The following SLCO1C1 variants were observed in gnomAD, a reference collection of about 807,000 sequenced individuals.
SLCO1C1 encodes solute carrier organic anion transporter family member 1C1, also known as OAT-RP-5.
SLCO1C1 carries 70 observed loss-of-function variants against 76.4 expected under a neutral mutation model. The ratio of observed to expected loss-of-function variants is 0.92; its 90% confidence interval spans 0.76 to 1.12. The LOEUF is 1.12. Ranked by LOEUF, SLCO1C1 falls within the 50% of genes most tolerant of loss-of-function variation. The pLI, the probability that SLCO1C1 is intolerant of heterozygous loss-of-function variation, is 0.00. For synonymous variants in SLCO1C1, 306 were observed against 286.1 expected (o/e 1.07, Z -0.70); for missense variants, 912 against 823.8 (o/e 1.11, Z -1.31).
At chr12:20,736,171 A>G (rs71436826) in intron 10 of SLCO1C1, among the ~76,000 whole-genome samples, 13,384 of 152,076 alleles carry the variant, frequency 0.088, 763 homozygotes, top group Non-Finnish European at 0.13. Context: ...GGATAAAAGC[A>G]GAAGGATTAG....
At chr12:20,742,423 A>C (rs1446862115) in intron 12 of SLCO1C1, among the ~76,000 whole-genome samples, 3 of 151,932 alleles carry the variant, frequency 2.0e-5, no homozygotes, top group Non-Finnish European at 4.4e-5. Flanking sequence ...CAGTAGTTAT[A>C]TACATCATTA....
intron 3 of SLCO1C1, among the ~76,000 whole-genome samples, chr12:20,705,144 TA>T (rs1245008774): frequency 6.6e-6 from 1 of 151,978 alleles, no homozygotes. Flanking sequence ...GAAACATGTT[TA>T]ATCACTTATC....
Position 20,723,250 on chromosome 12 carries a change from G to A in SLCO1C1, c.1182G>A (p.Val394=), listed in dbSNP as rs188644400. 6.2e-7 allele frequency: 1 copy of A among 1,613,636 alleles called. No homozygotes were observed. The highest frequency in any genetic ancestry group is 8.5e-7 in the Non-Finnish European group (1 of 1,179,854). Residue 394 remains valine (V), a synonymous_variant, in exon 9 of 15, where the codon GTG becomes GTA. Transcript: ENST00000266509. The part of the protein sequence containing the change: ...YGQSSSRANF[V]IGLINIPAVA... ...AGTCATCCTCCAGGGCCAACTTTGT[G>A]ATCGGTATGCTCATCTGCCTTTCAT... is the stretch of plus-strand genomic sequence containing the variant.
chr12:20,749,987 G>A (rs558200784), intron 13 of SLCO1C1, among the ~76,000 whole-genome samples: 1 of 152,300 alleles, frequency 6.6e-6, no homozygotes, highest in South Asian at 2.1e-4. Flanking sequence ...GAACATTTTA[G>A]TCACTGAAAG....
At chr12:20,746,376 C>A (rs1592336518) in intron 13 of SLCO1C1, among the ~76,000 whole-genome samples, 3 of 152,112 alleles carry the variant, frequency 2.0e-5, no homozygotes, top group Admixed American at 2.0e-4. Context: ...ATTTATCCTG[C>A]CTTTCTTCTA....
chr12:20,709,648 G>A lies in SLCO1C1; in HGVS notation c.405-1738G>A, dbSNP rs1226998021. 3.8e-4 allele frequency among the ~76,000 whole-genome samples: 6 copies of A among 15,666 alleles called. 2 individuals are homozygous for A. Among genetic ancestry groups the A allele is most frequent in the African/African-American group, 1.0e-3 (6 of 5,904 alleles). The allele number at this position is 15,666 out of a possible 152,430, so 10.3% of individuals were successfully genotyped here. Reference sequence around the variant, plus strand: ...TGTAATCCCAGCACTTTGGGAGGCCGAGGCGGGTGGATCATGAGGTCAGGA... The same window carrying A: ...TGTAATCCCAGCACTTTGGGAGGCCAAGGCGGGTGGATCATGAGGTCAGGA... On this transcript the variant is annotated intron_variant, in intron 4 of 14. Coordinates refer to ENST00000266509, the MANE Select transcript of SLCO1C1 (RefSeq NM_017435.5).
intron 14 of SLCO1C1, among the ~76,000 whole-genome samples, chr12:20,751,868 T>C (rs1235057651): frequency 1.3e-5 from 2 of 152,188 alleles, no homozygotes; most frequent in African/African-American, 4.8e-5. Context: ...CATTAGCATT[T>C]CTTTATGCAA....
Position 20,723,193 on chromosome 12 carries a change from C to G in SLCO1C1, c.1125C>G (p.Tyr375Ter). 6.2e-7 allele frequency: 1 copy of G among 1,614,170 alleles called. No homozygotes were observed. Among genetic ancestry groups the G allele is most frequent in the Non-Finnish European group, 8.5e-7 (1 of 1,180,016 alleles). Reference sequence around the variant, plus strand: ...ATTCTCTGTTCGGCATGGTGACGTACAAACCAAAGTACATTGAGCAGCAGT... The same window carrying G: ...ATTCTCTGTTCGGCATGGTGACGTAGAAACCAAAGTACATTGAGCAGCAGT... ...QFNSLFGMVT[Y>*]KPKYIEQQYG... Residue 375 changes from tyrosine to a stop codon, truncating the protein, a stop_gained, in exon 9 of 15, where the codon TAC becomes TAG. Coordinates refer to ENST00000266509, the MANE Select transcript of SLCO1C1 (RefSeq NM_017435.5). LOFTEE classifies it high-confidence loss of function.
intron 7 of SLCO1C1, among the ~76,000 whole-genome samples, chr12:20,718,517 G>A (rs1287166618): frequency 6.6e-6 from 1 of 152,146 alleles, no homozygotes; most frequent in African/African-American, 2.4e-5. Flanking sequence ...TTCATATCTA[G>A]AATAGCTCTG....
intron 6 of SLCO1C1, 81 bp from the exon 7 acceptor site, chr12:20,717,051 A>G: frequency 5.5e-6 from 7 of 1,281,348 alleles, no homozygotes; most frequent in African/African-American, 4.6e-5. Flanking sequence ...TGGATCACAC[A>G]TTTCTTGTTT....
At chr12:20,749,654 A>G (rs10841606) in intron 13 of SLCO1C1, among the ~76,000 whole-genome samples, 1 of 151,986 alleles carries the variant, frequency 6.6e-6, no homozygotes, top group African/African-American at 2.4e-5. Context: ...TGAGAGACAC[A>G]TTTTCTCCCT....
intron 7 of SLCO1C1, among the ~76,000 whole-genome samples, chr12:20,719,834 T>C (rs752363649): frequency 2.9e-4 from 44 of 152,318 alleles, no homozygotes; most frequent in Middle Eastern, 3.4e-3. Flanking sequence ...CTGCAGAAAG[T>C]TATCCAGAAT....
chr12:20,725,132 TAA>T (rs1324408043), intron 9 of SLCO1C1, among the ~76,000 whole-genome samples: 6 of 136,784 alleles, frequency 4.4e-5, no homozygotes, highest in Admixed American at 2.3e-4. Context: ...ATATAATATA[TAA>T]AATACTTTTT....
At chr12:20,698,061 A>G (rs1289162520) in intron 1 of SLCO1C1, among the ~76,000 whole-genome samples, 1 of 151,992 alleles carries the variant, frequency 6.6e-6, no homozygotes, top group Non-Finnish European at 1.5e-5. Context: ...TTTTATCAAT[A>G]TAGGTAATGA....
At chr12:20,722,792 C>T (rs766066510) in intron 8 of SLCO1C1, among the ~76,000 whole-genome samples, 2 of 152,174 alleles carry the variant, frequency 1.3e-5, no homozygotes, top group Non-Finnish European at 2.9e-5. Context: ...TCATCCTTTT[C>T]GTCTTTTGCC....
rs1184912754 is a variant in SLCO1C1 at position 20,695,803 on chromosome 12, T to A, written c.-30T>A. 2 of 152,122 alleles carry A rather than the reference T, an allele frequency of 1.3e-5. No homozygotes were observed. The highest frequency in any genetic ancestry group is 2.9e-5 in the Non-Finnish European group (2 of 68,018). 9.4% of individuals were successfully genotyped at this position (152,122 alleles called of 1,614,324 possible). The stretch of plus-strand genomic sequence containing the variant: ...GAACTGGCTATCTTTGATCTCTTCC[T>A]CCAGGTAAGACTTGGTTCTCTCATT... On this transcript the variant is annotated 5_prime_UTR_variant, in exon 1 of 15. Coordinates refer to ENST00000266509, the MANE Select transcript of SLCO1C1 (RefSeq NM_017435.5).
intron 3 of SLCO1C1, among the ~76,000 whole-genome samples, chr12:20,704,493 T>A (rs896603575): frequency 1.1e-4 from 17 of 151,952 alleles, no homozygotes; most frequent in Admixed American, 1.1e-3. Flanking sequence ...CACAATGTCT[T>A]CTACTAAATA....
intron 9 of SLCO1C1, among the ~76,000 whole-genome samples, chr12:20,731,824 T>C (rs1487364671): frequency 1.3e-5 from 2 of 152,190 alleles, no homozygotes; most frequent in African/African-American, 4.8e-5. Context: ...CCTCCAATAT[T>C]TTCATCTTTG....
At chr12:20,715,077 GAATA>G (rs1947300471) in intron 5 of SLCO1C1, 58 bp from the exon 6 acceptor site, 2 of 1,592,630 alleles carry the variant, frequency 1.3e-6, no homozygotes, top group African/African-American at 1.3e-5. Flanking sequence ...TAGAAATGCA[GAATA>G]AATACTTAAC....
Sources: gnomAD v4.1 joint callset for allele counts (sites outside exome capture counted in the v4.1 genomes callset) on GRCh38, gnomAD v4.1.1 for gene constraint, MANE v1.5 for transcripts, NCBI Gene and HGNC (gene_info 2026-07-23, HGNC 2026-07-21) for gene names.